The following NBPF15 variants were observed in gnomAD, a reference collection of about 807,000 sequenced individuals.
NBPF15 encodes NBPF member 15, also known as NBPF family member NBPF15.
A neutral mutation model predicts 62.2 loss-of-function variants in NBPF15; 74 were observed. The observed-to-expected ratio is 1.19, with a 90% CI of 0.99 to 1.44. The LOEUF is 1.44. NBPF15 is among the 40% of genes most tolerant of loss of function. NBPF15 has a pLI of 0.00. For synonymous variants in NBPF15, 244 were observed against 209.7 expected (o/e 1.16, Z -1.41); for missense variants, 790 against 550.0 (o/e 1.44, Z -4.36).
At chr1:144,458,439 A>G (rs1265266093) in intron 3 of NBPF15, among the ~76,000 whole-genome samples, 3 of 151,176 alleles carry the variant, frequency 2.0e-5, no homozygotes, top group Non-Finnish European at 3.0e-5. Context: ...CATCTGAATT[A>G]CCAACACCCG....
chr1:144,452,291 A>C, intron 4 of NBPF15, among the ~76,000 whole-genome samples: 1 of 151,990 alleles, frequency 6.6e-6, no homozygotes, highest in East Asian at 1.9e-4. Flanking sequence ...GGTAAAAAAT[A>C]CCAGTCACCA....
intron 5 of NBPF15, among the ~76,000 whole-genome samples, chr1:144,449,384 AT>A (rs1209443596): frequency 1.3e-5 from 2 of 151,440 alleles, no homozygotes; most frequent in African/African-American, 4.9e-5. Context: ...AAAATGATTT[AT>A]ACAAGAATGT....
At chr1:144,441,475 T>G (rs1682893030) in intron 6 of NBPF15, among the ~76,000 whole-genome samples, 1 of 150,090 alleles carries the variant, frequency 6.7e-6, no homozygotes, top group Non-Finnish European at 1.5e-5. Context: ...ACTGGGCTGT[T>G]TGTCAATTTC....
Position 144,452,506 on chromosome 1 carries a change from C to A in NBPF15, c.-431-1636G>T, listed in dbSNP as rs1327582726. Among the ~76,000 whole-genome samples the A allele has an allele frequency of 2.0e-5, 3 of 151,276 alleles. No individual in the cohort carries two copies. In the East Asian group the frequency reaches 5.8e-4, roughly 29 times the overall value. ...TTCTATTCAGACCCAGTCATGGGGA[C>A]CAGGGATTAGGAAATGACTACAAAC... On this transcript the variant is annotated intron_variant, in intron 4 of 21. Transcript: ENST00000581897.
At position 144,457,917 on chromosome 1, in the gene NBPF15, C is replaced by G. The variant is rs587660938; in HGVS notation, c.-700-1112G>C. On this transcript the variant is annotated intron_variant, in intron 3 of 21. Coordinates refer to ENST00000581897, the MANE Select transcript of NBPF15 (RefSeq NM_001385408.1). The stretch of plus-strand genomic sequence containing the variant: ...CCAGTCTGAGCACTACAGGAAAACC[C>G]TGTCTACAAAAAATAGAAAATTAGC... Among the ~76,000 whole-genome samples the G allele has an allele frequency of 2.6e-5, 4 of 151,916 alleles. No homozygotes were observed. In the South Asian group the frequency reaches 8.3e-4, roughly 32 times the overall value.
At chr1:144,432,155 C>T (rs1163615102) in intron 13 of NBPF15, among the ~76,000 whole-genome samples, 1 of 151,998 alleles carries the variant, frequency 6.6e-6, no homozygotes, top group Non-Finnish European at 1.5e-5. Context: ...CCAGCATCTT[C>T]AACCTTCTTA....
At chr1:144,459,814 T>C (rs1371780225) in intron 2 of NBPF15, among the ~76,000 whole-genome samples, 1 of 151,808 alleles carries the variant, frequency 6.6e-6, no homozygotes, top group Non-Finnish European at 1.5e-5. Flanking sequence ...AATTTTTAAC[T>C]GACAGGCATC....
At position 144,421,735 on chromosome 1, in the gene NBPF15, A is replaced by G. The variant is rs1292066061; in HGVS notation, c.*1278T>C. 5.5e-5 allele frequency: 8 copies of G among 146,414 alleles called. No homozygotes were observed. The highest frequency in any genetic ancestry group is 1.4e-4 in the Admixed American group (2 of 14,778). The allele number at this position is 146,414 out of a possible 1,614,324, so 9.1% of individuals were successfully genotyped here. ...GATCATTAGAATACAGGATATTTAT[A>G]CTCTTGAAAACCGCTTTCCCAAGTA... is the stretch of plus-strand genomic sequence containing the variant. On this transcript the variant is annotated 3_prime_UTR_variant, in exon 22 of 22. Transcript: ENST00000581897.
At chr1:144,425,136 C>T (rs1326684599) in intron 19 of NBPF15, among the ~76,000 whole-genome samples, 1 of 144,522 alleles carries the variant, frequency 6.9e-6, no homozygotes, top group Non-Finnish European at 1.5e-5. Flanking sequence ...AGAACGAGCT[C>T]AGTGAATTGT....
intron 6 of NBPF15, among the ~76,000 whole-genome samples, chr1:144,447,245 C>T (rs1312031105): frequency 6.6e-6 from 1 of 152,178 alleles, no homozygotes; most frequent in African/African-American, 2.4e-5. Flanking sequence ...GCCGCTGTTC[C>T]CCTCACCCAT....
At chr1:144,438,514 T>G (rs1332360962) in intron 8 of NBPF15, among the ~76,000 whole-genome samples, 2 of 151,990 alleles carry the variant, frequency 1.3e-5, no homozygotes, top group African/African-American at 2.4e-5. Context: ...ATCTTTGATT[T>G]TTAAATCATA....
At chr1:144,451,778 TC>T (rs1431918224) in intron 4 of NBPF15, among the ~76,000 whole-genome samples, 3 of 151,442 alleles carry the variant, frequency 2.0e-5, no homozygotes, top group Non-Finnish European at 4.4e-5. Flanking sequence ...AAAGAATTTT[TC>T]TTAGTACAGA....
At chr1:144,424,123 C>A in intron 20 of NBPF15, 148 bp from the exon 21 acceptor site, 1 of 730,000 alleles carries the variant, frequency 1.4e-6, no homozygotes. Context: ...GGTCTGAAGG[C>A]TGGTCATGAT....
intron 13 of NBPF15, among the ~76,000 whole-genome samples, chr1:144,431,526 G>T (rs1158563355): frequency 6.7e-6 from 1 of 149,688 alleles, no homozygotes; most frequent in Non-Finnish European, 1.5e-5. Flanking sequence ...AAGTCTTAGG[G>T]TACATGTGCA....
In NBPF15 at chr1:144,426,386, A is replaced by G. The variant is rs1350509603; in HGVS notation, c.1330T>C (p.Tyr444His). The stretch of plus-strand genomic sequence containing the variant: ...TCAAGATAATCTGAAGGAGTCGAAT[A>G]ACATCTATCCAGTGAGTCCTGCAAG... Reference protein sequence around the residue: ...EVLQDSLDRCYSTPSDYLELP... With the variant: ...EVLQDSLDRCHSTPSDYLELP... Residue 444 changes from tyrosine to histidine, a missense_variant, in exon 18 of 22, where the codon TAT becomes CAT. Coordinates refer to ENST00000581897, the MANE Select transcript of NBPF15 (RefSeq NM_001385408.1). 6 of 835,452 alleles carry G rather than the reference A, an allele frequency of 7.2e-6. No homozygotes were observed. Among genetic ancestry groups the G allele is most frequent in the Non-Finnish European group, 1.3e-5 (6 of 470,796 alleles). 51.8% of individuals were successfully genotyped at this position (835,452 alleles called of 1,614,324 possible). A position where few individuals can be genotyped will look rare whatever the true frequency, so the allele number is the denominator to read the frequency against.
At chr1:144,429,022 G>T (rs1277085515) in intron 14 of NBPF15, among the ~76,000 whole-genome samples, 5 of 151,972 alleles carry the variant, frequency 3.3e-5, no homozygotes, top group African/African-American at 1.2e-4. Context: ...GAATTTGATA[G>T]TTTATGAGAT....
At chr1:144,451,490 G>A (rs868915170) in intron 4 of NBPF15, among the ~76,000 whole-genome samples, 25 of 151,844 alleles carry the variant, frequency 1.6e-4, no homozygotes, top group African/African-American at 2.7e-4. Flanking sequence ...CCCTTCCCAC[G>A]AGGCTGTATT....
chr1:144,445,175 T>A (rs1686404214), intron 6 of NBPF15, among the ~76,000 whole-genome samples: 1 of 150,842 alleles, frequency 6.6e-6, no homozygotes, highest in Admixed American at 6.6e-5. Flanking sequence ...CTGAAGTATC[T>A]ATTCAAGTCT....
At chr1:144,428,511 A>T (rs1261374660) in intron 15 of NBPF15, 95 bp downstream of exon 15, 6 of 782,526 alleles carry the variant, frequency 7.7e-6, no homozygotes, top group Non-Finnish European at 1.1e-5. Flanking sequence ...GTCTGACAAG[A>T]CAAAATCATT....
Sources: allele counts gnomAD v4.1 joint callset (sites outside exome capture counted in the v4.1 genomes callset), GRCh38; gene constraint gnomAD v4.1.1; transcripts MANE v1.5; gene names NCBI Gene and HGNC (gene_info 2026-07-23, HGNC 2026-07-21).